Variants in KDM4B observed in about 807,000 individuals in gnomAD.
KDM4B encodes the protein lysine-specific demethylase 4B.
In KDM4B, 32 loss-of-function variants were observed where a neutral mutation model predicts 125.2. The observed-to-expected ratio is 0.26, with a 90% CI of 0.19 to 0.34. The LOEUF (loss-of-function observed/expected upper bound fraction) is 0.34. KDM4B is among the 10% of genes least tolerant of loss of function. KDM4B has a pLI of 1.00. For synonymous variants in KDM4B, 721 were observed against 677.9 expected (o/e 1.06, Z -0.99); for missense variants, 1,190 against 1,577.7 (o/e 0.75, Z 4.16).
chr19:5,031,129 G>A (rs1413686380), intron 2 of KDM4B, among the ~76,000 whole-genome samples: 1 of 152,242 alleles, frequency 6.6e-6, no homozygotes, highest in Non-Finnish European at 1.5e-5. Context: ...AACACTACAT[G>A]GCCACATCTG....
chr19:5,112,554 G>A (rs2039170390), intron 10 of KDM4B: 1 of 152,236 alleles, frequency 6.6e-6, no homozygotes, highest in South Asian at 2.1e-4. Context: ...ACAGGCCTTG[G>A]AACTGGTTTC....
intron 1 of KDM4B, among the ~76,000 whole-genome samples, chr19:5,014,927 G>A (rs577500719): frequency 1.4e-4 from 21 of 151,706 alleles, no homozygotes; most frequent in African/African-American, 4.6e-4. Context: ...CCCGGCAGGC[G>A]GAGGTTGCAG....
At chr19:5,124,509 C>G (rs566008478) in intron 11 of KDM4B, among the ~76,000 whole-genome samples, 1 of 152,326 alleles carries the variant, frequency 6.6e-6, no homozygotes, top group East Asian at 1.9e-4. Context: ...ACTCTAGGGG[C>G]TGGCCAGCCT....
At chr19:5,107,121 C>A (rs768957818) in intron 9 of KDM4B, among the ~76,000 whole-genome samples, 2 of 152,260 alleles carry the variant, frequency 1.3e-5, no homozygotes, top group Non-Finnish European at 2.9e-5. Context: ...GGCACCGCCA[C>A]CCTGCGTTGG....
At chr19:4,984,882 C>T (rs145575751) in intron 1 of KDM4B, among the ~76,000 whole-genome samples, 496 of 152,266 alleles carry the variant, frequency 3.3e-3, no homozygotes, top group Non-Finnish European at 5.9e-3. Flanking sequence ...CCGTGAAACC[C>T]GAGGTCTCCC....
chr19:5,111,205 C>T lies in KDM4B; in HGVS notation c.1115+387C>T, dbSNP rs143955885. Among the ~76,000 whole-genome samples the T allele has an allele frequency of 4.4e-3, 667 of 152,362 alleles. 5 individuals are homozygous for T. The highest frequency in any genetic ancestry group is 0.015 in the African/African-American group (635 of 41,602). On this transcript the variant is annotated intron_variant, in intron 10 of 22. Transcript: ENST00000159111. The stretch of plus-strand genomic sequence containing the variant: ...ATGGCTCCCTGTCCCTCTCACTCAC[C>T]GCATTTCTGCTGTCCGGCTACTCGG...
Position 5,098,754 on chromosome 19 carries a change from G to A in KDM4B, c.919-11868G>A, listed in dbSNP as rs896354962. On this transcript the variant is annotated intron_variant, in intron 9 of 22. Transcript: ENST00000159111. Reference sequence around the variant, plus strand: ...GAAAGAGCCCCCAGAGAGCTCCCTCGCCCCCTCCATCATGGGAGGACTCAG... The same window carrying A: ...GAAAGAGCCCCCAGAGAGCTCCCTCACCCCCTCCATCATGGGAGGACTCAG... 5.3e-5 allele frequency among the ~76,000 whole-genome samples: 8 copies of A among 151,982 alleles called. No homozygotes were observed. The East Asian group carries it at 5.8e-4, about 11-fold the overall frequency.
intron 22 of KDM4B, 67 bp downstream of exon 22, chr19:5,150,517 C>A: frequency 8.4e-7 from 1 of 1,183,594 alleles, no homozygotes; most frequent in Non-Finnish European, 1.2e-6. Context: ...CGAGGCAGGG[C>A]ACAGACTGCG....
Position 5,131,260 on chromosome 19 carries a change from C to A in KDM4B, c.1500C>A (p.Ser500Arg). Residue 500 changes from serine (S) to arginine (R), a missense_variant, in exon 12 of 23, where the codon AGC becomes AGA. Physicochemically the swap from Ser to Arg is moderately radical, Grantham distance 110 (BLOSUM62 -1). Coordinates refer to ENST00000159111, the MANE Select transcript of KDM4B (RefSeq NM_015015.3). ...CAGGCCCTGCAGCCATGGAGGAGAG[C>A]CCCCTGCCGGCACCCCTTAATGTCG... ...LGPGPAAMEE[S>R]PLPAPLNVVP... 1 of 1,609,640 alleles carries A rather than the reference C, an allele frequency of 6.2e-7. No homozygotes were observed. Among genetic ancestry groups the A allele is most frequent in the Non-Finnish European group, 8.5e-7 (1 of 1,178,304 alleles).
At chr19:5,084,111 G>A (rs1178231041) in intron 9 of KDM4B, among the ~76,000 whole-genome samples, 3 of 151,832 alleles carry the variant, frequency 2.0e-5, no homozygotes, top group Non-Finnish European at 4.4e-5. Context: ...TCCAGGCATG[G>A]TGGTGGGCAC....
chr19:5,000,290 C>A (rs1301098217), intron 1 of KDM4B, among the ~76,000 whole-genome samples: 1 of 146,296 alleles, frequency 6.8e-6, no homozygotes, highest in East Asian at 2.1e-4. Context: ...TCCATCTATT[C>A]ATTCACCGAT....
intron 6 of KDM4B, among the ~76,000 whole-genome samples, chr19:5,056,381 C>T (rs1050190603): frequency 2.6e-5 from 4 of 152,000 alleles, no homozygotes; most frequent in African/African-American, 9.7e-5. Context: ...ATGTCAGGCC[C>T]ACCAGGATCA....
intron 11 of KDM4B, among the ~76,000 whole-genome samples, chr19:5,124,335 T>C (rs1015706698): frequency 6.6e-6 from 1 of 152,152 alleles, no homozygotes; most frequent in African/African-American, 2.4e-5. Flanking sequence ...CCGCCGCCGC[T>C]GCCACCTGTG....
intron 12 of KDM4B, 110 bp downstream of exon 12, chr19:5,131,655 G>GGGGGCAGGTGGGGTGGGGC: frequency 3.4e-6 from 2 of 590,730 alleles, no homozygotes; most frequent in African/African-American, 1.9e-5. Flanking sequence ...GGGCAGGGAG[G>GGGGGCAGGTGGGGTGGGGC]AGGGGACAGG....
intron 7 of KDM4B, chr19:5,074,362 G>A (rs977276116): frequency 6.6e-6 from 1 of 152,196 alleles, no homozygotes; most frequent in Non-Finnish European, 1.5e-5. Context: ...CTCTTTTTGG[G>A]GCAGGCGATG....
intron 4 of KDM4B, 51 bp from the exon 5 acceptor site, chr19:5,041,086 C>T (rs762230685): frequency 8.5e-6 from 11 of 1,293,064 alleles, no homozygotes; most frequent in Middle Eastern, 1.9e-4. Flanking sequence ...GGGTGGGCTG[C>T]GTAGCACCCA....
intron 11 of KDM4B, among the ~76,000 whole-genome samples, chr19:5,123,288 G>A (rs2039394566): frequency 6.6e-6 from 1 of 152,236 alleles, no homozygotes; most frequent in Non-Finnish European, 1.5e-5. Context: ...CACACCTGTG[G>A]AAGCGGGAAG....
intron 9 of KDM4B, among the ~76,000 whole-genome samples, chr19:5,109,994 C>G (rs1387484750): frequency 6.6e-6 from 1 of 152,230 alleles, no homozygotes; most frequent in Non-Finnish European, 1.5e-5. Context: ...ATCTGAACCT[C>G]AGCCTCGCTG....
chr19:5,131,660 G>GGGCGGGTGGGGGGGGGC, intron 12 of KDM4B, 115 bp downstream of exon 12: 1 of 627,344 alleles, frequency 1.6e-6, no homozygotes, highest in Non-Finnish European at 2.7e-6. Context: ...GGGAGGAGGG[G>GGGCGGGTGGGGGGGGGC]ACAGGAGGGC....
Sources: gnomAD v4.1 joint callset for allele counts (sites outside exome capture counted in the v4.1 genomes callset) on GRCh38, gnomAD v4.1.1 for gene constraint, MANE v1.5 for transcripts, NCBI Gene and HGNC (gene_info 2026-07-23, HGNC 2026-07-21) for gene names.